The following FAM168A variants were observed in gnomAD, a reference collection of about 807,000 sequenced individuals.
FAM168A encodes the protein protein FAM168A.
A neutral mutation model predicts 28.5 loss-of-function variants in FAM168A; 3 were observed. That is an observed-to-expected ratio of 0.11 (90% CI 0.05 to 0.27). The LOEUF is 0.27. Ranked by LOEUF, FAM168A falls within the 10% of genes least tolerant of loss-of-function variation. The probability of loss-of-function intolerance (pLI) is 1.00; values close to 1 mark genes in which losing one functional copy is unlikely to be tolerated. For missense variants in FAM168A, 222 were observed against 311.5 expected (o/e 0.71, Z 2.16); for synonymous variants, 122 against 124.2 (o/e 0.98, Z 0.12).
chr11:73,486,992 C>T, intron 1 of FAM168A, among the ~76,000 whole-genome samples: 1 of 152,052 alleles, frequency 6.6e-6, no homozygotes, highest in East Asian at 1.9e-4. Flanking sequence ...CATTGATGAG[C>T]CATGGATTAT....
chr11:73,571,371 G>C (rs954353907), intron 1 of FAM168A, among the ~76,000 whole-genome samples: 2 of 150,982 alleles, frequency 1.3e-5, no homozygotes, highest in Admixed American at 1.3e-4. Context: ...TCAGCCTGCC[G>C]AGTGCCTGCG....
chr11:73,424,867 G>A (rs1407541134), intron 3 of FAM168A, among the ~76,000 whole-genome samples: 3 of 152,104 alleles, frequency 2.0e-5, no homozygotes, highest in South Asian at 2.1e-4. Flanking sequence ...CATCAGACAC[G>A]TTCCTGCATG....
intron 1 of FAM168A, among the ~76,000 whole-genome samples, chr11:73,558,991 AC>A: frequency 6.6e-6 from 1 of 152,188 alleles, no homozygotes; most frequent in Non-Finnish European, 1.5e-5. Flanking sequence ...ACATCTACCC[AC>A]ATGTTCATAG....
chr11:73,515,712 A>G (rs1943295280), intron 1 of FAM168A, among the ~76,000 whole-genome samples: 1 of 152,112 alleles, frequency 6.6e-6, no homozygotes, highest in East Asian at 1.9e-4. Context: ...GGCGCTAATC[A>G]AGAATAGAAA....
At chr11:73,588,477 G>C (rs117234923) in intron 1 of FAM168A, among the ~76,000 whole-genome samples, 1,985 of 152,206 alleles carry the variant, frequency 0.013, 15 homozygotes, top group Non-Finnish European at 0.021. Flanking sequence ...TATCACTTGA[G>C]CCCAGGAGTT....
chr11:73,473,011 T>TG (rs887508137), intron 1 of FAM168A, among the ~76,000 whole-genome samples: 8 of 151,724 alleles, frequency 5.3e-5, no homozygotes, highest in Non-Finnish European at 1.0e-4. Flanking sequence ...GGTGGTTCTG[T>TG]GGAGGTTAAA....
chr11:73,553,232 G>A (rs186545312), intron 1 of FAM168A, among the ~76,000 whole-genome samples: 20 of 151,812 alleles, frequency 1.3e-4, no homozygotes, highest in African/African-American at 3.6e-4. Context: ...TTTTTTCAAC[G>A]AGACCTTAAT....
intron 1 of FAM168A, chr11:73,580,221 T>C: frequency 4.0e-6 from 2 of 504,930 alleles, no homozygotes; most frequent in Non-Finnish European, 7.9e-6. Flanking sequence ...GCCCAGTGCC[T>C]ACGTCCCGCT....
chr11:73,450,679 C>G (rs563134126), intron 2 of FAM168A, among the ~76,000 whole-genome samples: 24 of 150,224 alleles, frequency 1.6e-4, no homozygotes, highest in African/African-American at 4.4e-4. Context: ...TCCCCTCCCC[C>G]CAAATCTAAA....
intron 1 of FAM168A, among the ~76,000 whole-genome samples, chr11:73,529,864 G>A (rs933693338): frequency 9.0e-5 from 13 of 145,034 alleles, no homozygotes; most frequent in African/African-American, 3.5e-4. Flanking sequence ...GCAGCTCACT[G>A]AAACCTCCAC....
chr11:73,484,695 GATATAGATATATATAGAT>G (rs1565265994), intron 1 of FAM168A, among the ~76,000 whole-genome samples: 1 of 80,178 alleles, frequency 1.2e-5, no homozygotes, highest in African/African-American at 3.9e-5. Context: ...TAGATATATA[GATATAGATATATATAGAT>G]ATATATATAG....
At chr11:73,565,077 CAGA>C (rs1341713689) in intron 1 of FAM168A, among the ~76,000 whole-genome samples, 11 of 152,178 alleles carry the variant, frequency 7.2e-5, no homozygotes, top group Non-Finnish European at 1.5e-4. Context: ...GTGACTGCCA[CAGA>C]AGCTCATTTA....
chr11:73,426,336 C>T (rs1822011614), intron 3 of FAM168A, among the ~76,000 whole-genome samples: 1 of 152,224 alleles, frequency 6.6e-6, no homozygotes, highest in Non-Finnish European at 1.5e-5. Context: ...CAAATACCCA[C>T]ATTGCTTTCA....
intron 1 of FAM168A, among the ~76,000 whole-genome samples, chr11:73,496,320 A>G (rs1854871016): frequency 6.6e-6 from 1 of 152,230 alleles, no homozygotes; most frequent in Non-Finnish European, 1.5e-5. Context: ...GAAGGTGAAA[A>G]GGGAAGTTGT....
chr11:73,488,140 T>TC (rs199586836), intron 1 of FAM168A, among the ~76,000 whole-genome samples: 2,107 of 152,130 alleles, frequency 0.014, 34 homozygotes, highest in African/African-American at 0.041. Context: ...CTTTTTTTTT[T>TC]TTTCTTTTTA....
At chr11:73,535,901 C>CTCTG (rs1161391322) in intron 1 of FAM168A, among the ~76,000 whole-genome samples, 3 of 150,394 alleles carry the variant, frequency 2.0e-5, no homozygotes, top group Non-Finnish European at 4.4e-5. Context: ...CAGGGTTTCA[C>CTCTG]TCTGTCACTC....
chr11:73,519,848 G>C (rs375384159), intron 1 of FAM168A, among the ~76,000 whole-genome samples: 6 of 151,068 alleles, frequency 4.0e-5, no homozygotes, highest in African/African-American at 1.5e-4. Context: ...TTTTTCAAGA[G>C]ATAGGGTCTC....
At chr11:73,593,744 T>C (rs1473273886) in intron 1 of FAM168A, among the ~76,000 whole-genome samples, 7 of 152,222 alleles carry the variant, frequency 4.6e-5, no homozygotes, top group Non-Finnish European at 1.0e-4. Flanking sequence ...TTGTGTGAAA[T>C]GCTTTCCATT....
At chr11:73,596,916 C>G (rs1944444700) in intron 1 of FAM168A, among the ~76,000 whole-genome samples, 1 of 152,112 alleles carries the variant, frequency 6.6e-6, no homozygotes, top group Non-Finnish European at 1.5e-5. Flanking sequence ...GCCACCTTGG[C>G]CAAGGGATAT....
Sources: allele counts gnomAD v4.1 joint callset (sites outside exome capture counted in the v4.1 genomes callset), GRCh38; gene constraint gnomAD v4.1.1; transcripts MANE v1.5; gene names NCBI Gene and HGNC (gene_info 2026-07-23, HGNC 2026-07-21).